PSMA1: variants seen among roughly 807,000 people sequenced by gnomAD.
PSMA1 encodes proteasome 20S subunit alpha 1, also known as proteasome subunit alpha type-1.
A neutral mutation model predicts 38.4 loss-of-function variants in PSMA1; 3 were observed. The observed-to-expected ratio is 0.08, with a 90% CI of 0.04 to 0.20. The LOEUF is 0.20. Among genes scored for constraint, PSMA1 ranks in the 10% least tolerant of loss-of-function variants. PSMA1 has a pLI of 1.00. For missense variants in PSMA1, 227 were observed against 325.3 expected, an observed-to-expected ratio of 0.70 and a Z score of 2.32; for synonymous variants, 101 against 107.1, an observed-to-expected ratio of 0.94 and a Z score of 0.35.
At chr11:14,624,234 T>C (rs1425386343) in intron 1 of PSMA1, among the ~76,000 whole-genome samples, 3 of 152,332 alleles carry the variant, frequency 2.0e-5, no homozygotes, top group Admixed American at 6.5e-5. Flanking sequence ...AGTGCCATCC[T>C]TTGCAGAGAG....
intron 1 of PSMA1, among the ~76,000 whole-genome samples, chr11:14,613,835 C>T (rs1852737568): frequency 6.6e-6 from 1 of 152,128 alleles, no homozygotes. Flanking sequence ...ACAAATGAAA[C>T]AAAAGTAGAC....
At position 14,534,964 on chromosome 11, in the gene PSMA1, C is replaced by T. The variant is rs183937418; in HGVS notation, c.22-15923G>A. Among the ~76,000 whole-genome samples the T allele has an allele frequency of 1.3e-5, 2 of 152,110 alleles. No homozygotes were observed. Among genetic ancestry groups the T allele is most frequent in the African/African-American group, 2.4e-5 (1 of 41,408 alleles). ...TGGCAGACGCCTGTAATCCCAGCTA[C>T]TCGGGAGGCTGAGGCAGGAGAATTG... is the stretch of plus-strand genomic sequence containing the variant. On this transcript the variant is annotated intron_variant, in intron 2 of 10. Transcript: ENST00000418988. The surrounding 1 kb of genome is among the most constrained non-coding windows in gnomAD (Gnocchi z 4.5).
chr11:14,612,912 C>T (rs372141791), intron 1 of PSMA1, among the ~76,000 whole-genome samples: 125 of 147,484 alleles, frequency 8.5e-4, no homozygotes, highest in Non-Finnish European at 1.6e-3. Context: ...TTTTGTGGGC[C>T]GGGCGGGCTG....
intron 2 of PSMA1, among the ~76,000 whole-genome samples, chr11:14,607,277 A>C (rs536160635): frequency 1.3e-5 from 2 of 152,290 alleles, no homozygotes; most frequent in Admixed American, 6.5e-5. Flanking sequence ...ATTGGGCTTG[A>C]CCATTTAGCC....
At chr11:14,563,669 A>G (rs1852035910) in intron 2 of PSMA1, among the ~76,000 whole-genome samples, 2 of 152,350 alleles carry the variant, frequency 1.3e-5, no homozygotes, top group Admixed American at 6.5e-5. Flanking sequence ...TGTTTACTGT[A>G]GAAAATAAGA....
chr11:14,554,743 AT>A (rs1344423880), intron 2 of PSMA1, among the ~76,000 whole-genome samples: 1 of 152,064 alleles, frequency 6.6e-6, no homozygotes. Flanking sequence ...TTAAAAGTGG[AT>A]TTTTTAAACG....
At chr11:14,521,466 C>T (rs1418851672), upstream of PSMA1, among the ~76,000 whole-genome samples, 1 of 146,002 alleles carries the variant, frequency 6.8e-6, no homozygotes, top group Non-Finnish European at 1.5e-5. Context: ...CACTCCAGCC[C>T]GCCTGGGCAA....
chr11:14,514,881 G>A (rs189762484), intron 4 of PSMA1, among the ~76,000 whole-genome samples: 83 of 152,262 alleles, frequency 5.5e-4, no homozygotes, highest in Admixed American at 9.1e-4. Context: ...CTTGAAAGCA[G>A]ACTAACATTT....
At position 14,639,207 on chromosome 11, in the gene PSMA1, G is replaced by C. The variant is rs540853936; in HGVS notation, c.-166+4248C>G. On this transcript the variant is annotated intron_variant, in intron 1 of 10. Coordinates refer to the PSMA1 transcript ENST00000418988. The stretch of plus-strand genomic sequence containing the variant: ...CACATCTCTGAAACATTTATTTTAT[G>C]TTGAAAGTGAAATACGACATAAACA... Among the ~76,000 whole-genome samples, 8 of 152,212 alleles carry C rather than the reference G, an allele frequency of 5.3e-5. No homozygotes were observed. The South Asian group carries it at 1.7e-3, about 32-fold the overall frequency.
intron 2 of PSMA1, among the ~76,000 whole-genome samples, chr11:14,531,578 T>G (rs1172986210): frequency 6.6e-6 from 1 of 152,122 alleles, no homozygotes; most frequent in East Asian, 1.9e-4. Context: ...TCCCTCTACC[T>G]CAGCCTGAGT....
At chr11:14,524,788 G>T (rs1037796156), upstream of PSMA1, among the ~76,000 whole-genome samples, 6 of 152,114 alleles carry the variant, frequency 3.9e-5, no homozygotes, top group Non-Finnish European at 8.8e-5. Flanking sequence ...ATGACCTCGG[G>T]TCCTCAGACC....
intron 1 of PSMA1, among the ~76,000 whole-genome samples, chr11:14,613,107 A>T (rs1266287448): frequency 6.6e-6 from 1 of 152,128 alleles, no homozygotes; most frequent in Non-Finnish European, 1.5e-5. Flanking sequence ...GAGGATTTTA[A>T]CAAATAAAGT....
chr11:14,589,246 T>C (rs1006047174), intron 2 of PSMA1, among the ~76,000 whole-genome samples: 5 of 152,094 alleles, frequency 3.3e-5, no homozygotes, highest in Non-Finnish European at 4.4e-5. Context: ...TTTTTCCCCA[T>C]AGCACTTAAC....
intron 2 of PSMA1, among the ~76,000 whole-genome samples, chr11:14,594,345 G>T (rs1419564816): frequency 6.7e-6 from 1 of 150,142 alleles, no homozygotes. Flanking sequence ...ACAACAGTGG[G>T]AAGTCCAAAT....
intron 1 of PSMA1, among the ~76,000 whole-genome samples, chr11:14,639,360 G>T (rs922018878): frequency 1.2e-4 from 19 of 152,106 alleles, no homozygotes; most frequent in African/African-American, 4.3e-4. Flanking sequence ...TCTATTTTAA[G>T]AGTTTTCTAT....
At chr11:14,627,686 A>G (rs1458587300) in intron 1 of PSMA1, among the ~76,000 whole-genome samples, 1 of 152,236 alleles carries the variant, frequency 6.6e-6, no homozygotes, top group African/African-American at 2.4e-5. Context: ...GAGGATGAGA[A>G]TAAGAGGCTT....
At position 14,579,577 on chromosome 11, in the gene PSMA1, G is replaced by T. The variant is rs190130677; in HGVS notation, c.21+31389C>A. On this transcript the variant is annotated intron_variant, in intron 2 of 10. Transcript: ENST00000418988. Reference sequence around the variant, plus strand: ...CACATCCTTTTTGGGGCCAACTTTCGACCAACTATAAGAGGTGTCACTATT... The same window carrying T: ...CACATCCTTTTTGGGGCCAACTTTCTACCAACTATAAGAGGTGTCACTATT... 2.9e-3 allele frequency among the ~76,000 whole-genome samples: 414 copies of T among 144,490 alleles called. 2 individuals carry two copies. The highest frequency in any genetic ancestry group is 0.011 in the Middle Eastern group (3 of 268). 94.8% of individuals were successfully genotyped at this position (144,490 alleles called of 152,430 possible).
chr11:14,568,856 C>G (rs1400933723), intron 2 of PSMA1, among the ~76,000 whole-genome samples: 1 of 152,172 alleles, frequency 6.6e-6, no homozygotes, highest in Non-Finnish European at 1.5e-5. Flanking sequence ...GGACATCTTT[C>G]TTGTTCATCT....
chr11:14,592,392 ATAT>A (rs1215434520), intron 2 of PSMA1, among the ~76,000 whole-genome samples: 63 of 140,876 alleles, frequency 4.5e-4, no homozygotes, highest in African/African-American at 1.2e-3. Flanking sequence ...ATATATATAT[ATAT>A]TTTTTTTTTA....
Sources: gnomAD v4.1 joint callset for allele counts (sites outside exome capture counted in the v4.1 genomes callset) on GRCh38, gnomAD v4.1.1 for gene constraint, Gnocchi (gnomAD v3.1) non-coding constraint, MANE v1.5 for transcripts, NCBI Gene and HGNC (gene_info 2026-07-23, HGNC 2026-07-21) for gene names.